S1PR3: variants seen among roughly 807,000 people sequenced by gnomAD.
The protein encoded by S1PR3 is sphingosine-1-phosphate receptor 3.
Under a neutral mutation model 13.3 loss-of-function variants are expected in S1PR3, and 12 were observed. That is an observed-to-expected ratio of 0.90 (90% CI 0.58 to 1.46). The LOEUF is 1.46. Among genes scored for constraint, S1PR3 ranks in the 40% most tolerant of loss-of-function variants. S1PR3 has a pLI of 0.00. For missense variants in S1PR3, 450 were observed against 501.9 expected (o/e 0.90, Z 0.99); for synonymous variants, 232 against 214.0 (o/e 1.08, Z -0.73).
At chr9:88,993,055 C>T (rs1367535654) in intron 1 of S1PR3, 1 of 152,578 alleles carries the variant, frequency 6.6e-6, no homozygotes, top group African/African-American at 2.4e-5. Flanking sequence ...AACCAGTTTT[C>T]ATCTTTGAAA....
At chr9:88,995,021 A>C (rs1181998323) in intron 1 of S1PR3, 4 of 167,116 alleles carry the variant, frequency 2.4e-5, no homozygotes, top group African/African-American at 9.6e-5. Context: ...TTAGCAAAGG[A>C]ATTTTGCTGG....
Position 89,002,009 on chromosome 9 carries a change from G to A in S1PR3, c.809G>A (p.Arg270Lys). Residue 270 changes from arginine to lysine, a missense_variant, in exon 2 of 2, where the codon AGG (arginine) becomes AAG (lysine). Coordinates refer to ENST00000358157, the MANE Select transcript of S1PR3 (RefSeq NM_005226.4). ...FILFLIDVACRVQACPILFKA... is the reference protein window; with the variant it reads ...FILFLIDVACKVQACPILFKA... ...CTCTTCCTCATTGATGTGGCCTGCA[G>A]GGTGCAGGCGTGCCCCATCCTCTTC... 5.6e-6 allele frequency: 9 copies of A among 1,614,108 alleles called. No homozygotes were observed. Among genetic ancestry groups the A allele is most frequent in the African/African-American group, 1.3e-5 (1 of 75,044 alleles).
Position 89,001,105 on chromosome 9 carries a change from T to C in S1PR3, c.-96T>C. 1 of 1,434,578 alleles carries C rather than the reference T, an allele frequency of 7.0e-7. No individual in the cohort carries two copies. The highest frequency in any genetic ancestry group is 9.5e-7 in the Non-Finnish European group (1 of 1,051,034). 88.9% of individuals were successfully genotyped at this position (1,434,578 alleles called of 1,614,324 possible). On this transcript the variant is annotated 5_prime_UTR_variant, in exon 2 of 2. An upstream start codon of the reference 5' UTR is lost. Transcript: ENST00000358157. Reference sequence around the variant, plus strand: ...AGTCTGGCCTGCACGCCTTGCTGAATGAAGCCGGAACCTCAGCCCCGCTTC... The same window carrying C: ...AGTCTGGCCTGCACGCCTTGCTGAACGAAGCCGGAACCTCAGCCCCGCTTC...
upstream of S1PR3, chr9:88,990,921 C>G: frequency 3.2e-6 from 5 of 1,581,760 alleles, no homozygotes; most frequent in South Asian, 5.7e-5. Flanking sequence ...AAGGAAGAAG[C>G]CCAAACAAAA....
In S1PR3 at chr9:88,991,586, T is replaced by A; in HGVS notation, c.-257T>A. The A allele has an allele frequency of 6.5e-7, 1 of 1,544,404 alleles. No individual in the cohort carries two copies. Among genetic ancestry groups the A allele is most frequent in the Non-Finnish European group, 8.7e-7 (1 of 1,145,066 alleles). On this transcript the variant is annotated 5_prime_UTR_variant, in exon 1 of 2. Transcript: ENST00000358157. This position sits in a 1 kb window ranked among gnomAD's most constrained non-coding sequence, Gnocchi z 4.0. ...GGAACGACGTCGCGAGCGCTGAGACTGCCGGGCCTCCCAGCCCATCTGGCA... is the reference window on the plus strand; with the variant it reads ...GGAACGACGTCGCGAGCGCTGAGACAGCCGGGCCTCCCAGCCCATCTGGCA...
chr9:88,991,440 A>G (rs1283635203), upstream of S1PR3: 5 of 1,542,246 alleles, frequency 3.2e-6, no homozygotes, highest in Non-Finnish European at 4.4e-6. This position sits in a 1 kb window ranked among gnomAD's most constrained non-coding sequence, Gnocchi z 4.0. Context: ...GGGCCGCTGG[A>G]AAAGTTTAGT....
intron 1 of S1PR3, chr9:88,994,589 G>T (rs769385625): frequency 6.0e-6 from 1 of 166,406 alleles, no homozygotes; most frequent in Non-Finnish European, 1.5e-5. Flanking sequence ...TGGCTCAGAC[G>T]CACTTGCCTT....
At chr9:88,991,288 C>A (rs4877039), upstream of S1PR3, 3 of 1,519,680 alleles carry the variant, frequency 2.0e-6, no homozygotes, top group Admixed American at 6.2e-5. This position sits in a 1 kb window ranked among gnomAD's most constrained non-coding sequence, Gnocchi z 4.0. Context: ...GCGGGGCGCA[C>A]GGAGACCAGG....
chr9:88,991,081 A>G (rs2118566564), upstream of S1PR3: 1 of 1,613,418 alleles, frequency 6.2e-7, no homozygotes, highest in Non-Finnish European at 8.5e-7. The surrounding 1 kb of genome is among the most constrained non-coding windows in gnomAD (Gnocchi z 4.0). Context: ...TCAGGGCGAC[A>G]GGCGCCCGCC....
intron 1 of S1PR3, chr9:88,993,646 TATA>T (rs1294774663): frequency 6.6e-6 from 1 of 152,250 alleles, no homozygotes; most frequent in Non-Finnish European, 1.5e-5. Context: ...TTTGGAAATG[TATA>T]ATGTTTGAGA....
Position 89,002,498 on chromosome 9 carries a change from A to G in S1PR3, c.*161A>G, listed in dbSNP as rs1199022785. 1.6e-5 allele frequency: 13 copies of G among 822,884 alleles called. No homozygotes were observed. Among genetic ancestry groups the G allele is most frequent in the Non-Finnish European group, 2.3e-5 (12 of 526,088 alleles). The allele number at this position is 822,884 out of a possible 1,614,324, so 51.0% of individuals were successfully genotyped here. On this transcript the variant is annotated 3_prime_UTR_variant, in exon 2 of 2. Transcript: ENST00000358157. The stretch of plus-strand genomic sequence containing the variant: ...TACAGAGGGGGCCCAAGGAATCACC[A>G]CCCCGCTTCAGTGTAAACAACGTGC...
rs1325807213 is a variant in S1PR3, at chr9:89,004,030, A to G, written c.*1693A>G. 6.0e-6 allele frequency: 1 copy of G among 167,052 alleles called. No homozygotes were observed. The highest frequency in any genetic ancestry group is 1.5e-5 in the Non-Finnish European group (1 of 68,118). The allele number at this position is 167,052 out of a possible 1,614,324, so 10.3% of individuals were successfully genotyped here. A position where few individuals can be genotyped will look rare whatever the true frequency, so the allele number is the denominator to read the frequency against. ...CTTCTTGACATCAATGAAAAGTAGCATATTCTCTTATGAAATAGCATGAGA... is the reference window on the plus strand; with the variant it reads ...CTTCTTGACATCAATGAAAAGTAGCGTATTCTCTTATGAAATAGCATGAGA... On this transcript the variant is annotated 3_prime_UTR_variant, in exon 2 of 2. Coordinates refer to ENST00000358157, the MANE Select transcript of S1PR3 (RefSeq NM_005226.4).
At chr9:88,991,125 T>C (rs532405326), upstream of S1PR3, 11 of 1,612,518 alleles carry the variant, frequency 6.8e-6, no homozygotes, top group African/African-American at 6.7e-5. The surrounding 1 kb of genome is among the most constrained non-coding windows in gnomAD (Gnocchi z 4.0). Context: ...TCCAAGCCTG[T>C]TCCCGCTGGG....
In S1PR3 at chr9:88,996,630, AGGT is replaced by A. The variant is rs149452427; in HGVS notation, c.-147-4419_-147-4417del. ...CCAGGTAGTGGTCATGCTTGGGGACAGGTGGTGACTAGGAGGGGCACAAGGAAG... is the reference window on the plus strand; with the variant it reads ...CCAGGTAGTGGTCATGCTTGGGGACAGGTGACTAGGAGGGGCACAAGGAAG... On this transcript the variant is annotated intron_variant, in intron 1 of 1. Coordinates refer to ENST00000358157, the MANE Select transcript of S1PR3 (RefSeq NM_005226.4). 1.8e-3 allele frequency: 282 copies of A among 152,968 alleles called. 5 individuals are homozygous for A. The East Asian group carries it at 0.042, about 23-fold the overall frequency. 9.5% of individuals were successfully genotyped at this position (152,968 alleles called of 1,614,324 possible). A position where few individuals can be genotyped will look rare whatever the true frequency, so the allele number is the denominator to read the frequency against.
chr9:88,994,218 T>C (rs1236403992), intron 1 of S1PR3: 1 of 167,086 alleles, frequency 6.0e-6, no homozygotes, highest in Non-Finnish European at 1.5e-5. Context: ...GCTCTGTGAC[T>C]AAGGACAAGT....
At chr9:88,996,390 G>A (rs1483668890) in intron 1 of S1PR3, 1 of 152,204 alleles carries the variant, frequency 6.6e-6, no homozygotes. Context: ...GGCCATGGAA[G>A]AAATTACCCC....
Position 89,002,604 on chromosome 9 carries a change from AC to A in S1PR3, c.*270del, listed in dbSNP as rs1825885183. 2 of 509,126 alleles carry A rather than the reference AC, an allele frequency of 3.9e-6. No individual in the cohort carries two copies. The highest frequency in any genetic ancestry group is 2.8e-5 in the South Asian group (1 of 35,282). The allele number at this position is 509,126 out of a possible 1,614,324, so 31.5% of individuals were successfully genotyped here. ...CACTGCCTTCTGCTGCATCCTAGAC[AC>A]CCTCCCTGTTGTTCACAGAGAGGGA... On this transcript the variant is annotated 3_prime_UTR_variant, in exon 2 of 2. Coordinates refer to ENST00000358157, the MANE Select transcript of S1PR3 (RefSeq NM_005226.4).
At position 89,002,192 on chromosome 9, in the gene S1PR3, C is replaced by T. The variant is rs748544156; in HGVS notation, c.992C>T (p.Ala331Val). 1.5e-5 allele frequency: 24 copies of T among 1,613,876 alleles called. No homozygotes were observed. Among genetic ancestry groups the T allele is most frequent in the Middle Eastern group, 1.6e-4 (1 of 6,084 alleles). The change falls in exon 2 of 2, where the codon GCG (alanine) becomes GTG (valine). Residue 331 changes from alanine (A) to valine (V), a missense_variant. Coordinates refer to ENST00000358157, the MANE Select transcript of S1PR3 (RefSeq NM_005226.4). The part of the protein sequence containing the change: ...RGARASPIQP[A>V]LDPSRSKSSS... ...GCCCGCGCCTCACCCATCCAGCCTGCGCTCGACCCAAGCAGAAGTAAATCA... is the reference window on the plus strand; with the variant it reads ...GCCCGCGCCTCACCCATCCAGCCTGTGCTCGACCCAAGCAGAAGTAAATCA...
rs1363300840 is a variant in S1PR3, at chr9:89,003,326, C to T, written c.*989C>T. On this transcript the variant is annotated 3_prime_UTR_variant, in exon 2 of 2. Coordinates refer to ENST00000358157, the MANE Select transcript of S1PR3 (RefSeq NM_005226.4). ...TGAGTTTGTTTCTATATTAGAAAAG[C>T]AGCAAGTCAGTAATCCCCCGTGGCA... The T allele has an allele frequency of 2.4e-5, 4 of 167,138 alleles. No individual in the cohort carries two copies. The Admixed American group carries it at 2.6e-4, about 11-fold the overall frequency. The allele number at this position is 167,138 out of a possible 1,614,324, so 10.4% of individuals were successfully genotyped here.
Sources: gnomAD v4.1 joint callset for allele counts on GRCh38, gnomAD v4.1.1 for gene constraint, Gnocchi (gnomAD v3.1) non-coding constraint, MANE v1.5 for transcripts, NCBI Gene and HGNC (gene_info 2026-07-23, HGNC 2026-07-21) for gene names.